Variants in SLAIN2 observed in about 807,000 individuals in gnomAD.
SLAIN2 encodes SLAIN motif-containing protein 2.
In SLAIN2, 31 loss-of-function variants were observed where a neutral mutation model predicts 56.6. That is an observed-to-expected ratio of 0.55 (90% CI 0.41 to 0.74). The LOEUF is 0.74. SLAIN2 is among the 30% of genes least tolerant of loss of function. The pLI is 0.00. For missense variants in SLAIN2, 777 were observed against 754.2 expected, an observed-to-expected ratio of 1.03 and a Z score of -0.35; for synonymous variants, 317 against 284.9, an observed-to-expected ratio of 1.11 and a Z score of -1.13.
chr4:48,351,325 G>A (rs10517217), intron 1 of SLAIN2, among the ~76,000 whole-genome samples: 18,370 of 152,202 alleles, frequency 0.12, 1,299 homozygotes, highest in East Asian at 0.29. Flanking sequence ...AGACTAAATT[G>A]TGTGTTTTTG....
chr4:48,421,260 G>A (rs1717149115), intron 7 of SLAIN2, among the ~76,000 whole-genome samples: 1 of 152,078 alleles, frequency 6.6e-6, no homozygotes, highest in Non-Finnish European at 1.5e-5. Flanking sequence ...GCTTGCCTCA[G>A]CCTCCCAGAA....
chr4:48,410,956 C>G (rs1031655670), intron 6 of SLAIN2, among the ~76,000 whole-genome samples: 3 of 152,178 alleles, frequency 2.0e-5, no homozygotes, highest in African/African-American at 7.2e-5. Context: ...ACAGTGATGG[C>G]TCCTCCTCTT....
At chr4:48,343,524 TTAAA>T (rs1714782001) in intron 1 of SLAIN2, among the ~76,000 whole-genome samples, 1 of 152,146 alleles carries the variant, frequency 6.6e-6, no homozygotes. Flanking sequence ...TTTTGTGCAG[TTAAA>T]TAAACTAGAA....
chr4:48,400,647 C>A (rs1003434886), intron 6 of SLAIN2, among the ~76,000 whole-genome samples: 1 of 152,026 alleles, frequency 6.6e-6, no homozygotes, highest in Non-Finnish European at 1.5e-5. Flanking sequence ...AGTGATCGCC[C>A]GCCTTGGCCT....
intron 6 of SLAIN2, among the ~76,000 whole-genome samples, chr4:48,393,386 T>TGTGTGTGTG (rs1716283267): frequency 3.0e-5 from 4 of 135,348 alleles, no homozygotes; most frequent in African/African-American, 1.1e-4. Context: ...CATGTCTGGC[T>TGTGTGTGTG]TGTGTGTGTG....
chr4:48,414,310 C>G (rs907554832), intron 6 of SLAIN2, among the ~76,000 whole-genome samples: 4 of 152,136 alleles, frequency 2.6e-5, no homozygotes, highest in Non-Finnish European at 4.4e-5. Flanking sequence ...GGAGACTGTT[C>G]TGAGTGGCAT....
chr4:48,350,592 A>G (rs895003678), intron 1 of SLAIN2, among the ~76,000 whole-genome samples: 8 of 152,180 alleles, frequency 5.3e-5, no homozygotes, highest in African/African-American at 1.9e-4. Context: ...TGAATTTGTA[A>G]AATAATGTAG....
intron 6 of SLAIN2, among the ~76,000 whole-genome samples, chr4:48,418,074 T>TTTC (rs144101218): frequency 5.9e-5 from 9 of 151,384 alleles, no homozygotes; most frequent in African/African-American, 1.9e-4. Flanking sequence ...TTTATTATTA[T>TTTC]TTCTTCTTCT....
intron 1 of SLAIN2, among the ~76,000 whole-genome samples, chr4:48,363,416 G>A (rs199853995): frequency 1.6e-5 from 1 of 62,108 alleles, no homozygotes; most frequent in African/African-American, 5.0e-5. Flanking sequence ...CCTCCCTCCC[G>A]GACGGGGCGG....
intron 4 of SLAIN2, among the ~76,000 whole-genome samples, chr4:48,380,939 C>T (rs562719652): frequency 6.6e-6 from 1 of 152,300 alleles, no homozygotes; most frequent in Admixed American, 6.5e-5. Flanking sequence ...TTCCATATAG[C>T]TTCCCCTAGG....
At chr4:48,361,326 G>A (rs990196360) in intron 1 of SLAIN2, among the ~76,000 whole-genome samples, 1 of 152,212 alleles carries the variant, frequency 6.6e-6, no homozygotes, top group African/African-American at 2.4e-5. Flanking sequence ...CAAAAGTGTT[G>A]AGCTTTCCAG....
chr4:48,418,563 T>A (rs544390602), intron 6 of SLAIN2, among the ~76,000 whole-genome samples: 11 of 152,308 alleles, frequency 7.2e-5, no homozygotes, highest in Non-Finnish European at 1.2e-4. Flanking sequence ...AATATTTTTT[T>A]AAGGATTTTT....
intron 6 of SLAIN2, 30 bp downstream of exon 6, chr4:48,383,814 CAGTT>C: frequency 6.3e-7 from 1 of 1,587,580 alleles, no homozygotes; most frequent in Non-Finnish European, 8.6e-7. Flanking sequence ...TTTCATGTAT[CAGTT>C]ATTTAAAGAG....
chr4:48,343,584 A>G lies in SLAIN2; in HGVS notation c.389+1456A>G, dbSNP rs116919436. Among the ~76,000 whole-genome samples, 39 of 152,302 alleles carry G rather than the reference A, an allele frequency of 2.6e-4. No homozygotes were observed. The East Asian group carries it at 5.6e-3, about 22-fold the overall frequency. On this transcript the variant is annotated intron_variant, in intron 1 of 7. Coordinates refer to ENST00000264313, the MANE Select transcript of SLAIN2 (RefSeq NM_020846.2). ...AAGAGTGATAGAACAAAGAGTACTGACAGTGCTCAGTAACTGGGAAAAAAA... is the reference window on the plus strand; with the variant it reads ...AAGAGTGATAGAACAAAGAGTACTGGCAGTGCTCAGTAACTGGGAAAAAAA...
At chr4:48,363,963 G>A (rs1255314460) in intron 1 of SLAIN2, among the ~76,000 whole-genome samples, 2 of 128,982 alleles carry the variant, frequency 1.6e-5, no homozygotes, top group African/African-American at 2.8e-5. Flanking sequence ...GCGGCTGGCC[G>A]GGCAGGGGGC....
At chr4:48,386,356 C>T (rs1053346523) in intron 6 of SLAIN2, among the ~76,000 whole-genome samples, 2 of 152,130 alleles carry the variant, frequency 1.3e-5, no homozygotes, top group Admixed American at 6.6e-5. Flanking sequence ...AGCTTATAAG[C>T]GGCAAGTTAG....
At chr4:48,397,719 C>A (rs1434685784) in intron 6 of SLAIN2, among the ~76,000 whole-genome samples, 2 of 152,154 alleles carry the variant, frequency 1.3e-5, no homozygotes, top group Non-Finnish European at 2.9e-5. Flanking sequence ...TCCATGTGCT[C>A]TTACTGTTCA....
chr4:48,345,712 G>C (rs988670924), intron 1 of SLAIN2, among the ~76,000 whole-genome samples: 1 of 151,096 alleles, frequency 6.6e-6, no homozygotes, highest in Non-Finnish European at 1.5e-5. Context: ...TAAATATAAG[G>C]CTTTTAAATT....
At chr4:48,360,771 C>T (rs559325958) in intron 1 of SLAIN2, among the ~76,000 whole-genome samples, 1 of 152,266 alleles carries the variant, frequency 6.6e-6, no homozygotes, top group Admixed American at 6.5e-5. Context: ...CCCATTCCTT[C>T]TCTCCACCCC....
Sources: allele counts gnomAD v4.1 joint callset (sites outside exome capture counted in the v4.1 genomes callset), GRCh38; gene constraint gnomAD v4.1.1; transcripts MANE v1.5; gene names NCBI Gene and HGNC (gene_info 2026-07-23, HGNC 2026-07-21).